Variants in KRABD3 observed in about 807,000 individuals in gnomAD.
KRABD3 encodes the protein KRAB domain-containing protein 3.
chr7:149,731,721 G>T, the KRABD3 span: 3 of 1,612,474 alleles, frequency 1.9e-6, no homozygotes, highest in Admixed American at 3.3e-5. Context: ...AAAGGCCCAG[G>T]GTTAGTGAAG....
chr7:149,717,192 G>A, the KRABD3 span, among the ~76,000 whole-genome samples: 2 of 152,222 alleles, frequency 1.3e-5, no homozygotes, highest in African/African-American at 4.8e-5. Context: ...CCATCAGAAT[G>A]TCATGTGGGA....
chr7:149,733,898 G>C, the KRABD3 span: 1 of 1,591,536 alleles, frequency 6.3e-7, no homozygotes, highest in Middle Eastern at 1.7e-4. Context: ...AGCCAGTGCA[G>C]ATGCAGACGT....
the KRABD3 span, chr7:149,730,659 G>T: frequency 1.4e-6 from 2 of 1,471,256 alleles, no homozygotes; most frequent in African/African-American, 1.4e-5. Flanking sequence ...CTGTCGCTTT[G>T]CCTGGCTCTT....
chr7:149,721,056 A>C, the KRABD3 span: 52 of 1,560,616 alleles, frequency 3.3e-5, no homozygotes, highest in Non-Finnish European at 6.1e-6. Context: ...GCACAAGTCC[A>C]CGGCACTGCA....
the KRABD3 span, chr7:149,715,419 G>T: frequency 1.0e-6 from 1 of 986,868 alleles, no homozygotes. Context: ...TGGAAATGGG[G>T]AGAAACAAAG....
the KRABD3 span, chr7:149,723,780 A>G: frequency 6.2e-7 from 1 of 1,614,004 alleles, no homozygotes; most frequent in Non-Finnish European, 8.5e-7. Flanking sequence ...AGGGTCTGCT[A>G]CACTGTCTGA....
the KRABD3 span, chr7:149,719,620 G>A: frequency 2.5e-6 from 4 of 1,609,198 alleles, no homozygotes; most frequent in African/African-American, 2.7e-5. The surrounding 1 kb of genome is among the most constrained non-coding windows in gnomAD (Gnocchi z 5.6). Flanking sequence ...AGGGGCAGAG[G>A]GAGTTCTACC....
At chr7:149,722,524 G>A in the KRABD3 span, 7 of 1,360,438 alleles carry the variant, frequency 5.1e-6, no homozygotes, top group Non-Finnish European at 6.9e-6. Flanking sequence ...AAGAGCCACA[G>A]AGGACAGGAG....
chr7:149,726,126 C>T, the KRABD3 span: 97 of 1,433,860 alleles, frequency 6.8e-5, no homozygotes, highest in Non-Finnish European at 1.6e-5. Flanking sequence ...TTGCCCAGTC[C>T]CTCTGGCTTG....
At chr7:149,729,108 A>C in the KRABD3 span, 2 of 1,173,258 alleles carry the variant, frequency 1.7e-6, no homozygotes, top group Non-Finnish European at 2.3e-6. Flanking sequence ...GCAATGGCAG[A>C]AACTGTTCCC....
At chr7:149,722,552 C>T in the KRABD3 span, 83 of 1,608,212 alleles carry the variant, frequency 5.2e-5, no homozygotes, top group Middle Eastern at 2.1e-4. Flanking sequence ...CCTCAGAGGC[C>T]GGTGAGAGGC....
At chr7:149,729,382 C>T in the KRABD3 span, 2 of 1,449,358 alleles carry the variant, frequency 1.4e-6, no homozygotes, top group South Asian at 1.5e-5. Flanking sequence ...TGAGCTGGCA[C>T]CTGCCCTCGG....
the KRABD3 span, chr7:149,733,883 C>G: frequency 6.3e-7 from 1 of 1,591,352 alleles, no homozygotes; most frequent in South Asian, 1.1e-5. Flanking sequence ...AGCCTCTCCT[C>G]CTGCAGCCAG....
the KRABD3 span, among the ~76,000 whole-genome samples, chr7:149,720,374 A>G: frequency 6.6e-6 from 1 of 152,166 alleles, no homozygotes; most frequent in Non-Finnish European, 1.5e-5. Context: ...ACCACCCTGA[A>G]GCCTTATCAC....
At chr7:149,725,709 C>T in the KRABD3 span, among the ~76,000 whole-genome samples, 5 of 152,232 alleles carry the variant, frequency 3.3e-5, no homozygotes, top group South Asian at 2.1e-4. Context: ...TCTCCAGTCA[C>T]GAGACTCACT....
the KRABD3 span, among the ~76,000 whole-genome samples, chr7:149,717,507 T>C: frequency 2.0e-5 from 3 of 152,240 alleles, no homozygotes; most frequent in South Asian, 4.1e-4. Flanking sequence ...AGAGAAGTTT[T>C]GGAGGGTGTC....
the KRABD3 span, chr7:149,729,299 C>A: frequency 6.2e-7 from 1 of 1,601,158 alleles, no homozygotes; most frequent in Non-Finnish European, 8.5e-7. Context: ...AGCTGCGTCC[C>A]CGCCTGCCAC....
the KRABD3 span, among the ~76,000 whole-genome samples, chr7:149,726,344 C>G: frequency 1.3e-5 from 2 of 152,148 alleles, no homozygotes; most frequent in South Asian, 2.1e-4. Context: ...CGCCTGTACT[C>G]CCAGCACTTT....
At chr7:149,730,750 G>C in the KRABD3 span, 1 of 766,658 alleles carries the variant, frequency 1.3e-6, no homozygotes, top group East Asian at 2.7e-5. Flanking sequence ...GGGCTGCTGG[G>C]GGTGCTGGTG....
Sources: allele counts gnomAD v4.1 joint callset (sites outside exome capture counted in the v4.1 genomes callset), GRCh38; gene constraint gnomAD v4.1.1; non-coding constraint Gnocchi (gnomAD v3.1); transcripts MANE v1.5; gene names NCBI Gene and HGNC (gene_info 2026-07-23, HGNC 2026-07-21).